The following CLSTN2 variants were observed in gnomAD, a reference collection of about 807,000 sequenced individuals.
CLSTN2 encodes calsyntenin-2.
A neutral mutation model predicts 101.2 loss-of-function variants in CLSTN2; 48 were observed. The ratio of observed to expected loss-of-function variants is 0.47; its 90% CI spans 0.38 to 0.60. The LOEUF is 0.60. CLSTN2 is among the 20% of genes least tolerant of loss of function. CLSTN2 has a pLI of 0.00. For synonymous variants in CLSTN2, 481 were observed against 463.6 expected (o/e 1.04, Z -0.48); for missense variants, 1,160 against 1,238.2 (o/e 0.94, Z 0.95).
intron 4 of CLSTN2, among the ~76,000 whole-genome samples, chr3:140,405,836 G>C (rs997222150): frequency 6.6e-6 from 1 of 152,200 alleles, no homozygotes; most frequent in African/African-American, 2.4e-5. Context: ...GAGTGTGTGG[G>C]TGTTTATATG....
Position 140,569,441 on chromosome 3 carries a change from T to A in CLSTN2, c.*3188T>A, listed in dbSNP as rs1269277243. ...AAAATAGGCTACAACTCTCAGGTGA[T>A]TCAGATGACATGGAGGAGAAGTTGG... is the stretch of plus-strand genomic sequence containing the variant. On this transcript the variant is annotated 3_prime_UTR_variant, in exon 17 of 17. Coordinates refer to ENST00000458420, the MANE Select transcript of CLSTN2 (RefSeq NM_022131.3). The A allele has an allele frequency of 2.6e-5, 4 of 152,196 alleles. No homozygotes were observed. Among genetic ancestry groups the A allele is most frequent in the Non-Finnish European group, 4.4e-5 (3 of 68,042 alleles). 9.4% of individuals were successfully genotyped at this position (152,196 alleles called of 1,614,324 possible).
At chr3:140,237,938 G>T (rs1314836624) in intron 2 of CLSTN2, among the ~76,000 whole-genome samples, 2 of 152,030 alleles carry the variant, frequency 1.3e-5, no homozygotes, top group Admixed American at 1.3e-4. Context: ...CTCAACTTTA[G>T]GCTCTGCTGT....
At chr3:140,208,105 G>C (rs187128937) in intron 2 of CLSTN2, among the ~76,000 whole-genome samples, 1,652 of 152,058 alleles carry the variant, frequency 0.011, 16 homozygotes, top group Middle Eastern at 0.024. Context: ...ATTTTAAACT[G>C]TATTTGTCTA....
chr3:140,480,470 A>T (rs1462774920), intron 8 of CLSTN2, among the ~76,000 whole-genome samples: 1 of 152,214 alleles, frequency 6.6e-6, no homozygotes, highest in African/African-American at 2.4e-5. Flanking sequence ...CAGTAATGGG[A>T]TGGCTGGGTC....
intron 8 of CLSTN2, among the ~76,000 whole-genome samples, chr3:140,489,140 T>C (rs1203277012): frequency 6.6e-6 from 1 of 152,142 alleles, no homozygotes; most frequent in African/African-American, 2.4e-5. Flanking sequence ...AGACAATGGA[T>C]ACTTTTGGGA....
rs1576504080 is a variant in CLSTN2 at position 140,296,834 on chromosome 3, A to G, written c.233-106795A>G. On this transcript the variant is annotated intron_variant, in intron 2 of 16. Coordinates refer to ENST00000458420, the MANE Select transcript of CLSTN2 (RefSeq NM_022131.3). ...CTCATAACCTCCCTGTTAGGTAGACAGGAAAGGAAGAACAGGTTAATTTAC... is the reference window on the plus strand; with the variant it reads ...CTCATAACCTCCCTGTTAGGTAGACGGGAAAGGAAGAACAGGTTAATTTAC... 2.6e-5 allele frequency among the ~76,000 whole-genome samples: 4 copies of G among 152,318 alleles called. No individual in the cohort carries two copies. The East Asian group carries it at 7.7e-4, about 29-fold the overall frequency.
chr3:140,109,036 A>G lies in CLSTN2; in HGVS notation c.110-66915A>G, dbSNP rs192381770. ...TCAAGCAAGGCAGCTATGAAGTGGA[A>G]GAGCTTGGATTTGAACAAAAGAGAC... On this transcript the variant is annotated intron_variant, in intron 1 of 16. Transcript: ENST00000458420. 4.6e-5 allele frequency among the ~76,000 whole-genome samples: 7 copies of G among 152,324 alleles called. No homozygotes were observed. The East Asian group carries it at 1.4e-3, about 29-fold the overall frequency.
intron 1 of CLSTN2, among the ~76,000 whole-genome samples, chr3:140,111,446 A>C (rs77731213): frequency 8.1e-4 from 124 of 152,290 alleles, no homozygotes; most frequent in African/African-American, 2.9e-3. Flanking sequence ...GAGACCTCGC[A>C]AACGGGCCAC....
At chr3:140,168,631 T>C (rs903624919) in intron 1 of CLSTN2, among the ~76,000 whole-genome samples, 1 of 152,122 alleles carries the variant, frequency 6.6e-6, no homozygotes, top group African/African-American at 2.4e-5. Flanking sequence ...TAATTTTGAC[T>C]TCTACATTCA....
At chr3:140,478,994 A>G (rs984640088) in intron 8 of CLSTN2, among the ~76,000 whole-genome samples, 3 of 152,194 alleles carry the variant, frequency 2.0e-5, no homozygotes, top group Non-Finnish European at 4.4e-5. Flanking sequence ...AATACCAATA[A>G]GAATGGAGAT....
At position 140,546,625 on chromosome 3, in the gene CLSTN2, G is replaced by A. The variant is rs369160182; in HGVS notation, c.1618G>A (p.Ala540Thr). The A allele has an allele frequency of 1.2e-6, 2 of 1,613,936 alleles. No individual in the cohort carries two copies. Among genetic ancestry groups the A allele is most frequent in the African/African-American group, 1.3e-5 (1 of 74,936 alleles). ...ESQKVISCLQ[A>T]CKEGLDINSL... The stretch of plus-strand genomic sequence containing the variant: ...CCAGAAGGTGATCTCCTGCCTGCAG[G>A]CCTGCAAGGAAGGGCTGGACATTAA... The change falls in exon 10 of 17, where the codon GCC (alanine) becomes ACC (threonine). Residue 540 changes from alanine to threonine, a missense_variant. By Grantham distance (58) the Ala-to-Thr change is moderately conservative (BLOSUM62 0). Coordinates refer to ENST00000458420, the MANE Select transcript of CLSTN2 (RefSeq NM_022131.3).
intron 1 of CLSTN2, among the ~76,000 whole-genome samples, chr3:140,111,607 G>T (rs2107794891): frequency 6.6e-6 from 1 of 151,888 alleles, no homozygotes; most frequent in African/African-American, 2.4e-5. Flanking sequence ...CTTTCTTCCT[G>T]CCCCGAGCTC....
intron 8 of CLSTN2, among the ~76,000 whole-genome samples, chr3:140,489,535 C>T (rs552749742): frequency 6.6e-6 from 1 of 152,114 alleles, no homozygotes; most frequent in African/African-American, 2.4e-5. Context: ...AGAAGACTGT[C>T]TGGGAGGGAT....
intron 1 of CLSTN2, among the ~76,000 whole-genome samples, chr3:140,036,457 T>G: frequency 6.6e-6 from 1 of 152,158 alleles, no homozygotes; most frequent in Non-Finnish European, 1.5e-5. Flanking sequence ...TGTTCATCTC[T>G]ACCTTTTCTA....
intron 1 of CLSTN2, among the ~76,000 whole-genome samples, chr3:140,086,828 T>TAA (rs1390089533): frequency 6.6e-6 from 1 of 152,250 alleles, no homozygotes; most frequent in Non-Finnish European, 1.5e-5. Flanking sequence ...CACAGCTGTC[T>TAA]TTGACAGATC....
chr3:140,269,931 A>T (rs2086727008), intron 2 of CLSTN2, among the ~76,000 whole-genome samples: 1 of 142,650 alleles, frequency 7.0e-6, no homozygotes, highest in African/African-American at 3.1e-5. Flanking sequence ...TTTTGTGAGG[A>T]TTTGATGAGG....
chr3:140,131,057 A>T (rs1044425392), intron 1 of CLSTN2, among the ~76,000 whole-genome samples: 3 of 152,128 alleles, frequency 2.0e-5, no homozygotes, highest in African/African-American at 7.2e-5. Flanking sequence ...TGATCCTTCA[A>T]TGGCCTTCAG....
intron 1 of CLSTN2, among the ~76,000 whole-genome samples, chr3:140,091,252 G>A (rs186761929): frequency 1.3e-5 from 2 of 152,234 alleles, no homozygotes; most frequent in East Asian, 1.9e-4. Context: ...GAGCAGCTGC[G>A]GGCAGGGAGA....
intron 1 of CLSTN2, among the ~76,000 whole-genome samples, chr3:140,037,342 T>C (rs2007674000): frequency 6.6e-6 from 1 of 152,136 alleles, no homozygotes. Flanking sequence ...TAAGGACCTC[T>C]TTTTTCCCCT....
Sources: gnomAD v4.1 joint callset for allele counts (sites outside exome capture counted in the v4.1 genomes callset) on GRCh38, gnomAD v4.1.1 for gene constraint, MANE v1.5 for transcripts, NCBI Gene and HGNC (gene_info 2026-07-23, HGNC 2026-07-21) for gene names.